The following ENG variants were observed in gnomAD, a reference collection of about 807,000 sequenced individuals.
The protein encoded by ENG is endoglin.
In ENG, 17 loss-of-function variants were observed where a neutral mutation model predicts 71.0. That is an observed-to-expected ratio of 0.24 (90% confidence interval 0.16 to 0.36). The LOEUF (loss-of-function observed/expected upper bound fraction) is 0.36, where lower values mean the gene tolerates loss of function less well. Ranked by LOEUF, ENG falls within the 10% of genes least tolerant of loss-of-function variation. The probability of loss-of-function intolerance (pLI) is 1.00; values close to 1 mark genes in which losing one functional copy is unlikely to be tolerated. For synonymous variants in ENG, 360 were observed against 366.9 expected, an observed-to-expected ratio of 0.98 and a Z score of 0.21; for missense variants, 749 against 868.3, an observed-to-expected ratio of 0.86 and a Z score of 1.73.
intron 1 of ENG, chr9:127,847,295 C>T (rs1299253476): frequency 6.6e-6 from 1 of 152,232 alleles, no homozygotes; most frequent in Non-Finnish European, 1.5e-5. Context: ...GATTTAAACC[C>T]AGACAGTCTG....
chr9:127,834,563 C>T (rs1295463098), intron 2 of ENG, among the ~76,000 whole-genome samples: 1 of 152,170 alleles, frequency 6.6e-6, no homozygotes, highest in African/African-American at 2.4e-5. Context: ...TGCCACTGCG[C>T]CTGGCTAGTT....
chr9:127,822,432 CTT>C (rs1418982366), intron 8 of ENG: 2 of 152,224 alleles, frequency 1.3e-5, no homozygotes, highest in East Asian at 3.8e-4. Flanking sequence ...TGTATTGAAA[CTT>C]CATTCATTTT....
Position 127,816,017 on chromosome 9 carries a change from A to G in ENG, c.1778T>C (p.Leu593Pro). 6.2e-7 allele frequency: 1 copy of G among 1,611,058 alleles called. No individual in the cohort carries two copies. Among genetic ancestry groups the G allele is most frequent in the Non-Finnish European group, 8.5e-7 (1 of 1,179,182 alleles). ...TSKGLVLPAV[L>P]GITFGAFLIG... ...GAGGAAGGCACCAAAGGTGATGCCC[A>G]GCACGGCGGGCAGGACGAGGCCTTT... is the stretch of plus-strand genomic sequence containing the variant. Residue 593 changes from leucine to proline, a missense_variant, in exon 14 of 15, where the codon CTG (leucine) becomes CCG (proline). Transcript: ENST00000373203.
intron 5 of ENG, 141 bp from the exon 6 acceptor site, chr9:127,825,498 T>C: frequency 3.5e-6 from 5 of 1,437,816 alleles, no homozygotes; most frequent in Non-Finnish European, 4.8e-6. Context: ...GGGGCCAGGC[T>C]TGTGCCCAAA....
chr9:127,829,726 C>A lies in ENG; in HGVS notation c.321G>T (p.Leu107=), dbSNP rs767907933. 1.6e-4 allele frequency: 254 copies of A among 1,614,106 alleles called. 2 individuals are homozygous for A. In the Middle Eastern group the frequency reaches 9.1e-3, roughly 58 times the overall value. The change falls in exon 3 of 15, where the codon CTG becomes CTT. Residue 107 remains leucine, a synonymous_variant. Transcript: ENST00000373203. ...LVLSVNSSVF[L]HLQALGIPLH... Reference sequence around the variant, plus strand: ...GTGGGATTCCCAGGGCCTGGAGATGCAGGAAGACACTGCTGTTTACACTGA... The same window carrying A: ...GTGGGATTCCCAGGGCCTGGAGATGAAGGAAGACACTGCTGTTTACACTGA...
At chr9:127,823,544 A>G (rs1261896615) in intron 8 of ENG, among the ~76,000 whole-genome samples, 1 of 151,516 alleles carries the variant, frequency 6.6e-6, no homozygotes, top group East Asian at 1.9e-4. Flanking sequence ...GCCTGCCACC[A>G]CACCCGGTTA....
chr9:127,825,313 C>T lies in ENG; in HGVS notation c.734G>A (p.Gly245Glu). 4 of 1,611,338 alleles carry T rather than the reference C, an allele frequency of 2.5e-6. No individual in the cohort carries two copies. The highest frequency in any genetic ancestry group is 1.1e-5 in the South Asian group (1 of 90,946). The change falls in exon 6 of 15, where the codon GGG (glycine) becomes GAG (glutamate). Residue 245 changes from glycine to glutamate, a missense_variant. Gly to Glu is a moderately conservative substitution (Grantham distance 98, BLOSUM62 -2). Coordinates refer to ENST00000373203, the MANE Select transcript of ENG (RefSeq NM_001114753.3). ...CAGGATGAGGACGGCATCGAGATCC[C>T]CGGGTGCGCAGCTCAGTTCCACCTT... ...TVKVELSCAP[G>E]DLDAVLILQG...
At position 127,854,412 on chromosome 9, in the gene ENG, G is replaced by A. The variant is rs1829098667; in HGVS notation, c.-57C>T. ...TTATCCTGTGTCCAGTGGCAGGGCTGCGGGCGGGCACCGGGGCCGGCGTGG... is the reference window on the plus strand; with the variant it reads ...TTATCCTGTGTCCAGTGGCAGGGCTACGGGCGGGCACCGGGGCCGGCGTGG... On this transcript the variant is annotated 5_prime_UTR_variant, in exon 1 of 15. Transcript: ENST00000373203. 6.5e-7 allele frequency: 1 copy of A among 1,526,772 alleles called. No homozygotes were observed. Among genetic ancestry groups the A allele is most frequent in the Non-Finnish European group, 8.8e-7 (1 of 1,130,206 alleles). 94.6% of individuals were successfully genotyped at this position (1,526,772 alleles called of 1,614,324 possible). A position where few individuals can be genotyped will look rare whatever the true frequency, so the allele number is the denominator to read the frequency against.
rs939724302 is a variant in ENG at position 127,815,677 on chromosome 9, C to T, written c.*5G>A. Reference sequence around the variant, plus strand: ...CTCCTGCTGGGCGAGCGCGGGGGGCCGGGGCTATGCCATGCTGCTGGTGGA... The same window carrying T: ...CTCCTGCTGGGCGAGCGCGGGGGGCTGGGGCTATGCCATGCTGCTGGTGGA... On this transcript the variant is annotated 3_prime_UTR_variant, in exon 15 of 15. Coordinates refer to ENST00000373203, the MANE Select transcript of ENG (RefSeq NM_001114753.3). 9.0e-6 allele frequency: 14 copies of T among 1,557,048 alleles called. No individual in the cohort carries two copies. The highest frequency in any genetic ancestry group is 5.6e-5 in the Admixed American group (3 of 53,704).
chr9:127,819,472 C>T (rs1830420006), intron 10 of ENG, 150 bp downstream of exon 10: 17 of 1,003,894 alleles, frequency 1.7e-5, no homozygotes, highest in Admixed American at 6.0e-5. Context: ...AGTCCTGCTC[C>T]GGTCATACAG....
chr9:127,825,043 G>A (rs1830573149), intron 6 of ENG, 69 bp from the exon 7 acceptor site: 1 of 1,591,666 alleles, frequency 6.3e-7, no homozygotes, highest in African/African-American at 1.3e-5. Context: ...GCCAGCCAGG[G>A]TTATGCCAGG....
chr9:127,825,198 G>T, intron 6 of ENG, 33 bp downstream of exon 6: 1 of 1,613,188 alleles, frequency 6.2e-7, no homozygotes, highest in Non-Finnish European at 8.5e-7. Context: ...TGGGAGTTTG[G>T]GTTTTGTGTC....
At chr9:127,829,250 C>G (rs987605797) in intron 3 of ENG, among the ~76,000 whole-genome samples, 1 of 152,248 alleles carries the variant, frequency 6.6e-6, no homozygotes, top group Non-Finnish European at 1.5e-5. Flanking sequence ...CCTAATCCCA[C>G]TTCCCAGCCA....
At chr9:127,830,678 A>G (rs971545368) in intron 2 of ENG, among the ~76,000 whole-genome samples, 1 of 151,836 alleles carries the variant, frequency 6.6e-6, no homozygotes, top group Non-Finnish European at 1.5e-5. Flanking sequence ...AACAAAAAAA[A>G]GGGATGAGCC....
chr9:127,854,225 T>C, intron 1 of ENG, 64 bp downstream of exon 1: 1 of 1,509,720 alleles, frequency 6.6e-7, no homozygotes, highest in Non-Finnish European at 9.0e-7. Context: ...AGGCCGGGAA[T>C]ACTTGGGGCC....
chr9:127,849,655 G>T (rs2131929692), intron 1 of ENG, among the ~76,000 whole-genome samples: 1 of 152,310 alleles, frequency 6.6e-6, no homozygotes, highest in African/African-American at 2.4e-5. Flanking sequence ...GGGTCCCAGG[G>T]GTTGTACCCC....
intron 12 of ENG, chr9:127,817,622 G>A: frequency 2.7e-6 from 1 of 363,934 alleles, no homozygotes. Context: ...GCCTGTCTGT[G>A]CAAGGGCCTG....
chr9:127,835,399 A>G (rs1830876913), intron 2 of ENG, among the ~76,000 whole-genome samples: 1 of 152,230 alleles, frequency 6.6e-6, no homozygotes, highest in South Asian at 2.1e-4. Flanking sequence ...TCTCTCCCAG[A>G]TTGCCCTACA....
At position 127,824,811 on chromosome 9, in the gene ENG, G is replaced by T. The variant is rs202139348; in HGVS notation, c.980C>A (p.Ala327Asp). The T allele has an allele frequency of 1.3e-6, 2 of 1,571,670 alleles. No homozygotes were observed. Reference sequence around the variant, plus strand: ...GGAAGGGTGCTCACCGCAGCTGGAGGCATGAAGTGAGACAATGCTGGCCAG... The same window carrying T: ...GGAAGGGTGCTCACCGCAGCTGGAGTCATGAAGTGAGACAATGCTGGCCAG... ...LPLASIVSLH[A>D]SSCGGRLQTS... The change falls in exon 7 of 15, where the codon GCC becomes GAC. Residue 327 changes from alanine to aspartate, a missense_variant. Transcript: ENST00000373203.
Sources: gnomAD v4.1 joint callset for allele counts (sites outside exome capture counted in the v4.1 genomes callset) on GRCh38, gnomAD v4.1.1 for gene constraint, MANE v1.5 for transcripts, NCBI Gene and HGNC (gene_info 2026-07-23, HGNC 2026-07-21) for gene names.